GRIK2: variants seen among roughly 807,000 people sequenced by gnomAD.
The protein encoded by GRIK2 is glutamate ionotropic receptor kainate type subunit 2, also known as glutamate receptor ionotropic, kainate 2.
Under a neutral mutation model 100.3 loss-of-function variants are expected in GRIK2, and 32 were observed. That is an observed-to-expected ratio of 0.32 (90% confidence interval 0.24 to 0.43). GRIK2 has a LOEUF of 0.43. Among genes scored for constraint, GRIK2 ranks in the 20% least tolerant of loss-of-function variants. The pLI is 1.00. For synonymous variants in GRIK2, 417 were observed against 389.4 expected (o/e 1.07, Z -0.83); for missense variants, 843 against 1,114.9 (o/e 0.76, Z 3.47).
At position 101,845,738 on chromosome 6, in the gene GRIK2, A is replaced by AT. The variant is rs527858372; in HGVS notation, c.1318-13541dup. On this transcript the variant is annotated intron_variant, in intron 10 of 16. Transcript: ENST00000369134. Reference sequence around the variant, plus strand: ...TTTAACTTTTTGAGGAGCTGCCAATATTTTTTTTATAGCAGCTGCACAATT... The same window carrying AT: ...TTTAACTTTTTGAGGAGCTGCCAATATTTTTTTTTATAGCAGCTGCACAATT... Among the ~76,000 whole-genome samples, 34 of 151,984 alleles carry AT rather than the reference A, an allele frequency of 2.2e-4. 1 individual carries two copies. Among genetic ancestry groups the AT allele is most frequent in the Middle Eastern group, 6.8e-3 (2 of 294 alleles).
chr6:101,781,142 C>A (rs1001403981), intron 7 of GRIK2, among the ~76,000 whole-genome samples: 11 of 151,840 alleles, frequency 7.2e-5, no homozygotes, highest in Non-Finnish European at 1.5e-4. Context: ...TTTTTCTAGG[C>A]ATTGTTGGGC....
intron 2 of GRIK2, among the ~76,000 whole-genome samples, chr6:101,499,785 C>T (rs995429559): frequency 6.6e-6 from 1 of 152,056 alleles, no homozygotes; most frequent in African/African-American, 2.4e-5. Flanking sequence ...TAAGCATATA[C>T]GCGTTGTAAG....
At chr6:101,541,946 TA>T (rs1416597607) in intron 2 of GRIK2, among the ~76,000 whole-genome samples, 1 of 152,084 alleles carries the variant, frequency 6.6e-6, no homozygotes, top group African/African-American at 2.4e-5. Flanking sequence ...TTACAGATCA[TA>T]AAGACAATAT....
chr6:101,799,580 TGCA>T, intron 7 of GRIK2, 65 bp from the exon 8 acceptor site: 1 of 1,302,692 alleles, frequency 7.7e-7, no homozygotes, highest in East Asian at 2.3e-5. Flanking sequence ...TCTTCCTCCT[TGCA>T]AACCATCTAC....
intron 14 of GRIK2, among the ~76,000 whole-genome samples, chr6:102,017,725 T>C (rs930303964): frequency 6.6e-6 from 1 of 152,154 alleles, no homozygotes; most frequent in Non-Finnish European, 1.5e-5. Flanking sequence ...TTATTTTCAG[T>C]ATATTTCTCT....
chr6:101,697,151 A>G (rs966660072), intron 7 of GRIK2, among the ~76,000 whole-genome samples: 1 of 152,018 alleles, frequency 6.6e-6, no homozygotes, highest in Non-Finnish European at 1.5e-5. Flanking sequence ...ATGAATTCAC[A>G]TATAAGATGA....
chr6:101,518,604 A>G (rs1284586885), intron 2 of GRIK2, among the ~76,000 whole-genome samples: 6 of 152,174 alleles, frequency 3.9e-5, no homozygotes, highest in African/African-American at 1.2e-4. Flanking sequence ...GTATTCTATG[A>G]AACATTATTT....
chr6:101,458,071 T>A (rs908070686), intron 2 of GRIK2, among the ~76,000 whole-genome samples: 4 of 152,004 alleles, frequency 2.6e-5, no homozygotes, highest in Non-Finnish European at 5.9e-5. Context: ...CTGTGCATAT[T>A]TGAAAAATAT....
chr6:102,018,070 T>C (rs1327961328), intron 14 of GRIK2, among the ~76,000 whole-genome samples: 1 of 152,190 alleles, frequency 6.6e-6, no homozygotes, highest in Non-Finnish European at 1.5e-5. Flanking sequence ...TTTTGCATTC[T>C]AGTATGCCTT....
At chr6:101,481,125 A>C (rs1425823941) in intron 2 of GRIK2, among the ~76,000 whole-genome samples, 1 of 152,152 alleles carries the variant, frequency 6.6e-6, no homozygotes, top group Non-Finnish European at 1.5e-5. Context: ...ACTGACATTG[A>C]TTTCCTTTAG....
intron 10 of GRIK2, among the ~76,000 whole-genome samples, chr6:101,822,606 G>GATGTATT (rs1229877471): frequency 6.6e-6 from 1 of 152,082 alleles, no homozygotes; most frequent in Non-Finnish European, 1.5e-5. Context: ...AATCATAGCA[G>GATGTATT]ACATGTATTA....
intron 7 of GRIK2, among the ~76,000 whole-genome samples, chr6:101,694,765 C>G (rs931382010): frequency 6.6e-6 from 1 of 151,806 alleles, no homozygotes; most frequent in Non-Finnish European, 1.5e-5. Context: ...TTGGGATGAA[C>G]TAAGATGGAG....
chr6:101,585,175 A>G (rs1778296578), intron 2 of GRIK2, among the ~76,000 whole-genome samples: 1 of 152,034 alleles, frequency 6.6e-6, no homozygotes, highest in Admixed American at 6.6e-5. Context: ...AACATTAATA[A>G]ATTAGTAAGA....
chr6:101,951,543 G>A (rs1031524471), intron 14 of GRIK2, among the ~76,000 whole-genome samples: 3 of 152,174 alleles, frequency 2.0e-5, no homozygotes, highest in African/African-American at 7.2e-5. Context: ...GACATTCCAT[G>A]TAGACTGATA....
chr6:101,678,706 G>T (rs1771020303), intron 5 of GRIK2, among the ~76,000 whole-genome samples: 1 of 152,160 alleles, frequency 6.6e-6, no homozygotes, highest in Admixed American at 6.6e-5. Flanking sequence ...GAACTCCTAA[G>T]ACATGGTATA....
intron 7 of GRIK2, among the ~76,000 whole-genome samples, chr6:101,694,015 G>T (rs1772299169): frequency 6.6e-6 from 1 of 152,100 alleles, no homozygotes; most frequent in Non-Finnish European, 1.5e-5. Flanking sequence ...GACAGTCAAT[G>T]TCAAGGACAC....
At chr6:101,612,560 T>A (rs1464105243) in intron 2 of GRIK2, among the ~76,000 whole-genome samples, 1 of 151,476 alleles carries the variant, frequency 6.6e-6, no homozygotes, top group Admixed American at 6.6e-5. Flanking sequence ...ATTGCAGGAG[T>A]TTGCATTATG....
At chr6:101,940,140 G>A (rs1404755727) in intron 14 of GRIK2, among the ~76,000 whole-genome samples, 3 of 152,150 alleles carry the variant, frequency 2.0e-5, no homozygotes, top group Admixed American at 6.6e-5. Context: ...ACTAGTATTA[G>A]CAAAAGGATA....
At chr6:101,836,661 A>ATTTTTTTTTTTT (rs1194200766) in intron 10 of GRIK2, among the ~76,000 whole-genome samples, 1 of 57,808 alleles carries the variant, frequency 1.7e-5, no homozygotes, top group Non-Finnish European at 2.8e-5. Context: ...ATATATATAT[A>ATTTTTTTTTTTT]TTTTTTTTTT....
Sources: allele counts gnomAD v4.1 joint callset (sites outside exome capture counted in the v4.1 genomes callset), GRCh38; gene constraint gnomAD v4.1.1; transcripts MANE v1.5; gene names NCBI Gene and HGNC (gene_info 2026-07-23, HGNC 2026-07-21).